Variants in MAL observed in about 807,000 individuals in gnomAD.
The protein encoded by MAL is myelin and lymphocyte protein.
In MAL, 5 loss-of-function variants were observed where a neutral mutation model predicts 16.7. That is an observed-to-expected ratio of 0.30 (90% confidence interval 0.16 to 0.63). MAL has a LOEUF of 0.63. Among genes scored for constraint, MAL ranks in the 30% least tolerant of loss-of-function variants. MAL has a pLI of 0.82. For synonymous variants in MAL, 96 were observed against 85.5 expected, an observed-to-expected ratio of 1.12 and a Z score of -0.67; for missense variants, 202 against 195.8, an observed-to-expected ratio of 1.03 and a Z score of -0.19.
At chr2:95,039,636 G>A (rs1674392693) in intron 1 of MAL, among the ~76,000 whole-genome samples, 1 of 151,304 alleles carries the variant, frequency 6.6e-6, no homozygotes, top group African/African-American at 2.4e-5. Context: ...GTGAGTGACT[G>A]AGTGAGTGAC....
At chr2:95,043,285 A>G (rs1476742405) in intron 1 of MAL, among the ~76,000 whole-genome samples, 3 of 152,246 alleles carry the variant, frequency 2.0e-5, no homozygotes, top group Non-Finnish European at 4.4e-5. Flanking sequence ...CTGCTTATGC[A>G]TCTGTTTCCA....
Position 95,053,398 on chromosome 2 carries a change from C to T in MAL, c.405C>T (p.Ala135=), listed in dbSNP as rs1397983484. The T allele has an allele frequency of 1.2e-6, 2 of 1,613,152 alleles. No individual in the cohort carries two copies. Among genetic ancestry groups the T allele is most frequent in the South Asian group, 2.2e-5 (2 of 91,032 alleles). Residue 135 remains alanine, a synonymous_variant, in exon 4 of 4, where the codon GCC becomes GCT. Transcript: ENST00000309988. The part of the protein sequence containing the change: ...NIAAVVFSYI[A]TLLYVVHAVF... ...GGTTCCAGGTGTTCTCCTACATAGC[C>T]ACTCTGCTCTACGTGGTCCATGCGG...
Position 95,039,104 on chromosome 2 carries a change from GTAAGTGTC to G in MAL, c.94-8853_94-8846del, listed in dbSNP as rs1340074230. On this transcript the variant is annotated intron_variant, in intron 1 of 3. Transcript: ENST00000309988. ...ATTGAGTGACTGAGTGAGTGAGTGA[GTAAGTGTC>G]TGAGTGACTGAGTGAGTGAGTGAGT... 1.1e-3 allele frequency among the ~76,000 whole-genome samples: 127 copies of G among 111,456 alleles called. 8 individuals are homozygous for G. Among genetic ancestry groups the G allele is most frequent in the African/African-American group, 3.0e-3 (89 of 29,740 alleles). 73.1% of individuals were successfully genotyped at this position (111,456 alleles called of 152,430 possible).
chr2:95,052,241 C>T (rs1674736071), intron 3 of MAL, among the ~76,000 whole-genome samples: 1 of 152,198 alleles, frequency 6.6e-6, no homozygotes, highest in Non-Finnish European at 1.5e-5. Context: ...CATTCGTGCC[C>T]AGCTCTACGT....
At chr2:95,032,526 C>T (rs933504164) in intron 1 of MAL, among the ~76,000 whole-genome samples, 2 of 152,182 alleles carry the variant, frequency 1.3e-5, no homozygotes, top group African/African-American at 4.8e-5. Flanking sequence ...GATAGGACAC[C>T]CCAGAGGGTG....
chr2:95,048,205 TCCAGTG>T, intron 2 of MAL, 79 bp downstream of exon 2: 1 of 1,421,022 alleles, frequency 7.0e-7, no homozygotes. Context: ...GATGGGCTTT[TCCAGTG>T]CCAGGTGAGA....
intron 1 of MAL, among the ~76,000 whole-genome samples, chr2:95,041,097 G>T (rs1365939142): frequency 2.6e-5 from 4 of 152,166 alleles, no homozygotes; most frequent in Non-Finnish European, 5.9e-5. Context: ...AATATCCAGA[G>T]AATTTGAGCA....
chr2:95,029,159 T>C (rs1343178337), intron 1 of MAL, among the ~76,000 whole-genome samples: 1 of 152,234 alleles, frequency 6.6e-6, no homozygotes, highest in Admixed American at 6.5e-5. Flanking sequence ...CTTTGTCAAA[T>C]CTTAATATTT....
chr2:95,053,786 C>T lies in MAL; in HGVS notation c.*331C>T. On this transcript the variant is annotated 3_prime_UTR_variant, in exon 4 of 4. Coordinates refer to ENST00000309988, the MANE Select transcript of MAL (RefSeq NM_002371.4). ...GACCTGAGAAGGAAAGAAAGATCCTCTGCTGACCCCTGGAGCAGCTCTCGA... is the reference window on the plus strand; with the variant it reads ...GACCTGAGAAGGAAAGAAAGATCCTTTGCTGACCCCTGGAGCAGCTCTCGA... 1 of 307,176 alleles carries T rather than the reference C, an allele frequency of 3.3e-6. No individual in the cohort carries two copies. Among genetic ancestry groups the T allele is most frequent in the South Asian group, 5.0e-5 (1 of 19,942 alleles). 19.0% of individuals were successfully genotyped at this position (307,176 alleles called of 1,614,324 possible). A position where few individuals can be genotyped will look rare whatever the true frequency, so the allele number is the denominator to read the frequency against.
Position 95,025,806 on chromosome 2 carries a change from C to G in MAL, c.14C>G (p.Ala5Gly). The change falls in exon 1 of 4, where the codon GCG becomes GGG. Residue 5 changes from alanine (A) to glycine (G), a missense_variant. By Grantham distance (60) the Ala-to-Gly change is moderately conservative (BLOSUM62 0). Coordinates refer to ENST00000309988, the MANE Select transcript of MAL (RefSeq NM_002371.4). This position sits in a 1 kb window ranked among gnomAD's most constrained non-coding sequence, Gnocchi z 5.6. MAPA[A>G]ATGGSTLPSG... ...CAGCACGCCGTCATGGCCCCCGCAG[C>G]GGCGACGGGGGGCAGCACCCTGCCC... The G allele has an allele frequency of 6.4e-7, 1 of 1,558,838 alleles. No homozygotes were observed. The highest frequency in any genetic ancestry group is 2.5e-5 in the East Asian group (1 of 40,608).
intron 1 of MAL, among the ~76,000 whole-genome samples, chr2:95,038,937 T>TGACAGAGTGACTGAGTGAGC (rs1674348321): frequency 6.6e-6 from 1 of 150,484 alleles, no homozygotes; most frequent in Admixed American, 6.6e-5. Context: ...GGTGAGTGAG[T>TGACAGAGTGACTGAGTGAGC]GACCGAGTGA....
intron 1 of MAL, among the ~76,000 whole-genome samples, chr2:95,032,422 G>A (rs1416817967): frequency 6.6e-6 from 1 of 152,214 alleles, no homozygotes; most frequent in Non-Finnish European, 1.5e-5. Flanking sequence ...GGGGCTGGGG[G>A]CTGACTTAAG....
chr2:95,037,689 TGA>T (rs1674273739), intron 1 of MAL, among the ~76,000 whole-genome samples: 1 of 151,122 alleles, frequency 6.6e-6, no homozygotes. Flanking sequence ...AGTGAGTGAG[TGA>T]GTGGGTGAGT....
intron 1 of MAL, among the ~76,000 whole-genome samples, chr2:95,029,562 C>T (rs1218803167): frequency 6.6e-6 from 1 of 152,194 alleles, no homozygotes; most frequent in Non-Finnish European, 1.5e-5. Context: ...CTCATATTTG[C>T]CTCTGTAGTT....
intron 1 of MAL, among the ~76,000 whole-genome samples, chr2:95,039,538 G>A (rs1573294836): frequency 1.3e-5 from 2 of 151,616 alleles, no homozygotes; most frequent in African/African-American, 2.4e-5. Flanking sequence ...CTGAGTGGGT[G>A]AGTGAGTGAC....
intron 3 of MAL, among the ~76,000 whole-genome samples, chr2:95,050,761 G>T (rs1444346842): frequency 6.6e-6 from 1 of 152,132 alleles, no homozygotes; most frequent in Non-Finnish European, 1.5e-5. Context: ...GCCCCCTCAG[G>T]ATCCTGGCAT....
chr2:95,025,912 ACGGGGTGGGCTGAGCCGTG>A lies in MAL; in HGVS notation c.93+30_93+48del, dbSNP rs766630796. On this transcript the variant is annotated intron_variant, in intron 1 of 3. Coordinates refer to ENST00000309988, the MANE Select transcript of MAL (RefSeq NM_002371.4). This position sits in a 1 kb window ranked among gnomAD's most constrained non-coding sequence, Gnocchi z 5.6. ...TGAGTGGCTCCTGGCCGGGGAAGGGACGGGGTGGGCTGAGCCGTGCGCTCTCTCGGGCGCCCAGCACAGC... is the reference window on the plus strand; with the variant it reads ...TGAGTGGCTCCTGGCCGGGGAAGGGACGCTCTCTCGGGCGCCCAGCACAGC... 2 of 1,523,038 alleles carry A rather than the reference ACGGGGTGGGCTGAGCCGTG, an allele frequency of 1.3e-6. No homozygotes were observed. The highest frequency in any genetic ancestry group is 1.8e-6 in the Non-Finnish European group (2 of 1,130,468). The allele number at this position is 1,523,038 out of a possible 1,614,324, so 94.3% of individuals were successfully genotyped here.
At chr2:95,026,255 G>A (rs1189392867) in intron 1 of MAL, 3 of 198,216 alleles carry the variant, frequency 1.5e-5, no homozygotes, top group African/African-American at 6.9e-5. Flanking sequence ...TGCGCGGTTG[G>A]GTAGAAGTGC....
chr2:95,032,374 C>T (rs2104331732), intron 1 of MAL, among the ~76,000 whole-genome samples: 1 of 152,314 alleles, frequency 6.6e-6, no homozygotes, highest in East Asian at 1.9e-4. Flanking sequence ...TGGGACCTGC[C>T]TTGACACAGG....
Sources: gnomAD v4.1 joint callset for allele counts (sites outside exome capture counted in the v4.1 genomes callset) on GRCh38, gnomAD v4.1.1 for gene constraint, Gnocchi (gnomAD v3.1) non-coding constraint, MANE v1.5 for transcripts, NCBI Gene and HGNC (gene_info 2026-07-23, HGNC 2026-07-21) for gene names.